KIF15: variants seen among roughly 807,000 people sequenced by gnomAD.
KIF15 encodes the protein kinesin-like protein KIF15.
A neutral mutation model predicts 190.6 loss-of-function variants in KIF15; 140 were observed. That is an observed-to-expected ratio of 0.73 (90% CI 0.64 to 0.84). The LOEUF (loss-of-function observed/expected upper bound fraction) is 0.84. Among genes scored for constraint, KIF15 ranks in the 40% least tolerant of loss-of-function variants. The pLI, the probability that KIF15 is intolerant of heterozygous loss-of-function variation, is 0.00. For missense variants in KIF15, 1,372 were observed against 1,584.4 expected (o/e 0.87, Z 2.28); for synonymous variants, 528 against 551.3 (o/e 0.96, Z 0.59).
intron 7 of KIF15, among the ~76,000 whole-genome samples, chr3:44,787,946 C>T (rs1332605203): frequency 2.0e-5 from 3 of 152,010 alleles, no homozygotes; most frequent in Non-Finnish European, 2.9e-5. Flanking sequence ...CCTCCGCCTC[C>T]TAGGTTCAAG....
intron 25 of KIF15, among the ~76,000 whole-genome samples, chr3:44,830,380 G>T (rs566660548): frequency 6.6e-6 from 1 of 152,186 alleles, no homozygotes; most frequent in Non-Finnish European, 1.5e-5. Context: ...AAACAGGCTG[G>T]TTGCTGGCCG....
chr3:44,866,149 G>C (rs1437747040), intron 6 of KIF15, among the ~76,000 whole-genome samples: 1 of 148,862 alleles, frequency 6.7e-6, no homozygotes, highest in Non-Finnish European at 1.5e-5. Context: ...CTCAGCTCAC[G>C]GCAAGCTCTG....
At chr3:44,763,526 T>G (rs1575565172) in intron 1 of KIF15, among the ~76,000 whole-genome samples, 1 of 151,944 alleles carries the variant, frequency 6.6e-6, no homozygotes. Flanking sequence ...GGTCTCGATC[T>G]CCTGACCTCG....
chr3:44,841,094 C>G lies in KIF15; in HGVS notation c.3441C>G (p.His1147Gln), dbSNP rs80007780. 6,384 of 1,613,012 alleles carry G rather than the reference C, an allele frequency of 4.0e-3. 164 individuals are homozygous for G. In the African/African-American group the frequency reaches 0.066, roughly 17 times the overall value. ...EDPQSPKTPP[H>Q]FQTHLAKLLE... ...TTTAGAGTCCTAAGACACCACCTCA[C>G]TTTCAAACACATTTGGCAAAACTCC... The change falls in exon 29 of 35, where the codon CAC becomes CAG. Residue 1147 changes from histidine (H) to glutamine (Q), a missense_variant. His to Gln is a conservative substitution (Grantham distance 24). Coordinates refer to ENST00000326047, the MANE Select transcript of KIF15 (RefSeq NM_020242.3).
At chr3:44,762,388 T>A (rs1446109476) in intron 1 of KIF15, among the ~76,000 whole-genome samples, 1 of 152,264 alleles carries the variant, frequency 6.6e-6, no homozygotes, top group Non-Finnish European at 1.5e-5. Context: ...AATGTCTTTA[T>A]GTTCTCACAG....
intron 29 of KIF15, 43 bp from the exon 30 acceptor site, chr3:44,843,082 A>T (rs1478207130): frequency 2.1e-6 from 3 of 1,457,818 alleles, no homozygotes; most frequent in Non-Finnish European, 2.9e-6. Context: ...AATGAAGCCT[A>T]CTGTAATGTG....
intron 16 of KIF15, among the ~76,000 whole-genome samples, chr3:44,807,120 GTTTA>G (rs1707542018): frequency 6.6e-6 from 1 of 152,128 alleles, no homozygotes; most frequent in South Asian, 2.1e-4. Flanking sequence ...ATAAATAGAT[GTTTA>G]TTTATAATGA....
rs555672926 is a variant in KIF15, at chr3:44,838,321, A to G, written c.3218A>G (p.Asn1073Ser). 38 of 1,614,044 alleles carry G rather than the reference A, an allele frequency of 2.4e-5. 1 individual carries two copies. The highest frequency in any genetic ancestry group is 3.3e-4 in the Middle Eastern group (2 of 6,062). The change falls in exon 27 of 35, where the codon AAC (asparagine) becomes AGC (serine). Residue 1073 changes from asparagine (N) to serine (S), a missense_variant. Asn to Ser is a conservative substitution (Grantham distance 46). Transcript: ENST00000326047. ...CTGGCTCATGCCACTGAGCAGCTGAACATGCTCACAGAGGCCTCAAAAAAA... is the reference window on the plus strand; with the variant it reads ...CTGGCTCATGCCACTGAGCAGCTGAGCATGCTCACAGAGGCCTCAAAAAAA... ...EDLAHATEQL[N>S]MLTEASKKHS...
In KIF15 at chr3:44,840,372, G is replaced by A. The variant is rs1472539838; in HGVS notation, c.3336G>A (p.Glu1112=). 1.2e-6 allele frequency: 2 copies of A among 1,604,962 alleles called. No individual in the cohort carries two copies. Among genetic ancestry groups the A allele is most frequent in the Admixed American group, 3.4e-5 (2 of 58,194 alleles). Residue 1112 remains glutamate (E), a synonymous_variant, in exon 28 of 35, where the codon GAG becomes GAA. Transcript: ENST00000326047. The part of the protein sequence containing the change: ...ELQHKLNQKK[E]EVEQKKNEYN... ...TTTCCCAGCTAAACCAAAAGAAAGAGGAAGTAGAACAGAAGAAGAATGAAT... is the reference window on the plus strand; with the variant it reads ...TTTCCCAGCTAAACCAAAAGAAAGAAGAAGTAGAACAGAAGAAGAATGAAT...
chr3:44,802,737 A>C, intron 13 of KIF15, 77 bp from the exon 14 acceptor site: 1 of 1,417,422 alleles, frequency 7.1e-7, no homozygotes, highest in Non-Finnish European at 9.4e-7. Context: ...CTAGTTTTCT[A>C]ATGGCTTTTT....
intron 26 of KIF15, among the ~76,000 whole-genome samples, chr3:44,836,899 AAG>A (rs1441934758): frequency 6.6e-6 from 1 of 152,208 alleles, no homozygotes; most frequent in Non-Finnish European, 1.5e-5. Flanking sequence ...GGGTAAGGAA[AAG>A]GAGTTGGTTA....
At chr3:44,769,118 G>T (rs756493186) in intron 1 of KIF15, among the ~76,000 whole-genome samples, 2 of 152,136 alleles carry the variant, frequency 1.3e-5, no homozygotes, top group African/African-American at 4.8e-5. Context: ...TTAACTTTTC[G>T]CAGTTTAGAG....
chr3:44,783,071 A>G (rs1265752899), intron 5 of KIF15, among the ~76,000 whole-genome samples: 3 of 152,238 alleles, frequency 2.0e-5, no homozygotes, highest in Non-Finnish European at 4.4e-5. Context: ...ATTAGGGGAT[A>G]GAGCGGGATT....
chr3:44,852,096 G>A, intron 33 of KIF15, 112 bp from the exon 34 acceptor site: 1 of 1,442,066 alleles, frequency 6.9e-7, no homozygotes, highest in South Asian at 1.4e-5. Flanking sequence ...TGAAAGCTGG[G>A]ATTCTGGACT....
intron 14 of KIF15, 72 bp downstream of exon 14, chr3:44,803,063 T>TAATGAAGGCACTAAAATGAA: frequency 7.3e-7 from 1 of 1,368,688 alleles, no homozygotes; most frequent in Non-Finnish European, 9.9e-7. Context: ...TAGTGCCTTG[T>TAATGAAGGCACTAAAATGAA]GACTAGGGTC....
At chr3:44,775,080 A>G (rs1340612416) in intron 2 of KIF15, among the ~76,000 whole-genome samples, 174 bp from the exon 3 acceptor site, 1 of 151,864 alleles carries the variant, frequency 6.6e-6, no homozygotes, top group East Asian at 1.9e-4. Context: ...AGCCTGGGCA[A>G]CAAGAATGAA....
At chr3:44,763,815 G>A (rs142398252) in intron 1 of KIF15, among the ~76,000 whole-genome samples, 1 of 152,006 alleles carries the variant, frequency 6.6e-6, no homozygotes, top group Non-Finnish European at 1.5e-5. Context: ...AGCCTCCCAA[G>A]TAGCTGGGAC....
intron 22 of KIF15, among the ~76,000 whole-genome samples, chr3:44,826,828 T>C (rs183097924): frequency 1.3e-5 from 2 of 152,328 alleles, no homozygotes; most frequent in Admixed American, 1.3e-4. Flanking sequence ...GAATGTCCCC[T>C]AACAGGAATG....
intron 16 of KIF15, among the ~76,000 whole-genome samples, chr3:44,807,269 G>C (rs936036002): frequency 6.6e-6 from 1 of 151,462 alleles, no homozygotes; most frequent in Non-Finnish European, 1.5e-5. Context: ...TTGTTGCCCA[G>C]GTTGGAGTGC....
Sources: gnomAD v4.1 joint callset for allele counts (sites outside exome capture counted in the v4.1 genomes callset) on GRCh38, gnomAD v4.1.1 for gene constraint, MANE v1.5 for transcripts, NCBI Gene and HGNC (gene_info 2026-07-23, HGNC 2026-07-21) for gene names.